Variants in BFSP2 observed in about 807,000 individuals in gnomAD.
The protein encoded by BFSP2 is beaded filament structural protein 2.
BFSP2 carries 38 observed loss-of-function variants against 44.9 expected under a neutral mutation model. The ratio of observed to expected loss-of-function variants is 0.85; its 90% CI spans 0.65 to 1.11. The LOEUF (loss-of-function observed/expected upper bound fraction) is 1.11. Ranked by LOEUF, BFSP2 falls within the 50% of genes least tolerant of loss-of-function variation. The probability of loss-of-function intolerance (pLI) is 0.00; values close to 1 mark genes in which losing one functional copy is unlikely to be tolerated. For missense variants in BFSP2, 525 were observed against 533.0 expected (o/e 0.99, Z 0.15); for synonymous variants, 197 against 209.9 (o/e 0.94, Z 0.53).
At chr3:133,451,077 C>G (rs921706267) in intron 4 of BFSP2, among the ~76,000 whole-genome samples, 1 of 142,600 alleles carries the variant, frequency 7.0e-6, no homozygotes, top group African/African-American at 2.6e-5. Context: ...GGCCACTGCA[C>G]TCCAGCCTGG....
chr3:133,441,097 T>A (rs1314983609), intron 1 of BFSP2, among the ~76,000 whole-genome samples: 1 of 148,190 alleles, frequency 6.7e-6, no homozygotes. Flanking sequence ...TAGAGTGCAA[T>A]GGCGCCATCT....
At chr3:133,412,838 A>C (rs1450918345) in intron 1 of BFSP2, among the ~76,000 whole-genome samples, 19 of 152,230 alleles carry the variant, frequency 1.2e-4, no homozygotes. Context: ...GGGTTCTCTG[A>C]AATTCCAGAC....
intron 1 of BFSP2, among the ~76,000 whole-genome samples, chr3:133,438,072 A>G (rs574893735): frequency 5.3e-5 from 8 of 152,370 alleles, no homozygotes; most frequent in African/African-American, 1.9e-4. Flanking sequence ...TGATACAAGA[A>G]ATAGAGTTCT....
chr3:133,464,898 C>T (rs973759881), intron 4 of BFSP2, among the ~76,000 whole-genome samples: 5 of 152,080 alleles, frequency 3.3e-5, no homozygotes, highest in South Asian at 2.1e-4. Flanking sequence ...TCTCCTTCAG[C>T]GACTCCAAAG....
chr3:133,463,620 C>T (rs2074084173), intron 4 of BFSP2, among the ~76,000 whole-genome samples: 1 of 152,190 alleles, frequency 6.6e-6, no homozygotes, highest in South Asian at 2.1e-4. Context: ...GGTCATATAC[C>T]AGTTTAACTC....
In BFSP2 at chr3:133,475,094, G is replaced by A. The variant is rs2074201953; in HGVS notation, c.*122G>A. ...CTGGATTCCCTGGTTAATTCAGCTT[G>A]AGCTGAAAAGCTTCCTGGAAGTGGA... On this transcript the variant is annotated 3_prime_UTR_variant, in exon 7 of 7. Transcript: ENST00000302334. 6 of 1,392,020 alleles carry A rather than the reference G, an allele frequency of 4.3e-6. No individual in the cohort carries two copies. Among genetic ancestry groups the A allele is most frequent in the Admixed American group, 1.7e-5 (1 of 59,294 alleles). The allele number at this position is 1,392,020 out of a possible 1,614,324, so 86.2% of individuals were successfully genotyped here. A position where few individuals can be genotyped will look rare whatever the true frequency, so the allele number is the denominator to read the frequency against.
chr3:133,437,617 A>G (rs1192227156), intron 1 of BFSP2, among the ~76,000 whole-genome samples: 1 of 149,628 alleles, frequency 6.7e-6, no homozygotes, highest in Non-Finnish European at 1.5e-5. Context: ...GAAAAAAGAA[A>G]GAAGAAAGAG....
chr3:133,425,349 T>G (rs924523689), intron 1 of BFSP2, among the ~76,000 whole-genome samples: 2 of 152,204 alleles, frequency 1.3e-5, no homozygotes, highest in Non-Finnish European at 2.9e-5. Context: ...GGGCACGTGA[T>G]GGATGTCAAC....
chr3:133,439,928 CAGAG>C (rs113298744), intron 1 of BFSP2, among the ~76,000 whole-genome samples: 1 of 150,614 alleles, frequency 6.6e-6, no homozygotes, highest in African/African-American at 2.4e-5. Context: ...CAGAGACAGA[CAGAG>C]AGAGAGAGAG....
intron 1 of BFSP2, among the ~76,000 whole-genome samples, chr3:133,409,611 C>T (rs1391474576): frequency 2.6e-5 from 4 of 152,086 alleles, no homozygotes; most frequent in Non-Finnish European, 5.9e-5. Flanking sequence ...ATATTCAAGA[C>T]GAGTCTGAAA....
At chr3:133,404,392 G>A (rs1486280183) in intron 1 of BFSP2, among the ~76,000 whole-genome samples, 1 of 152,126 alleles carries the variant, frequency 6.6e-6, no homozygotes, top group Non-Finnish European at 1.5e-5. Flanking sequence ...AGCAACTGGA[G>A]GGAGAGGACA....
chr3:133,433,144 C>T (rs2073744510), intron 1 of BFSP2, among the ~76,000 whole-genome samples: 1 of 152,166 alleles, frequency 6.6e-6, no homozygotes, highest in African/African-American at 2.4e-5. Flanking sequence ...ATCTGGCCTC[C>T]CACATTATTC....
At chr3:133,430,096 T>C (rs1385641289) in intron 1 of BFSP2, among the ~76,000 whole-genome samples, 1 of 151,898 alleles carries the variant, frequency 6.6e-6, no homozygotes, top group African/African-American at 2.4e-5. Context: ...CATCCTTTTT[T>C]ATGGCTGCAT....
chr3:133,429,838 T>C (rs1306563244), intron 1 of BFSP2: 43 of 152,050 alleles, frequency 2.8e-4, no homozygotes, highest in Admixed American at 7.2e-4. Context: ...ATGTGCCATG[T>C]TGGTGTGCTG....
At chr3:133,471,346 C>A (rs13069027) in intron 5 of BFSP2, among the ~76,000 whole-genome samples, 51,609 of 152,078 alleles carry the variant, frequency 0.34, 10,010 homozygotes, top group East Asian at 0.59. Flanking sequence ...ATACAAGAAG[C>A]AGGACTCATA....
At chr3:133,425,206 T>C (rs2073632480) in intron 1 of BFSP2, among the ~76,000 whole-genome samples, 2 of 152,194 alleles carry the variant, frequency 1.3e-5, no homozygotes, top group Admixed American at 6.5e-5. Flanking sequence ...GGGCTTACTA[T>C]GCACCAAGCA....
chr3:133,423,768 T>C (rs1458893947), intron 1 of BFSP2, among the ~76,000 whole-genome samples: 1 of 152,090 alleles, frequency 6.6e-6, no homozygotes, highest in Non-Finnish European at 1.5e-5. Flanking sequence ...TGCTGGCTGC[T>C]CTAGGAACTG....
chr3:133,433,315 C>T (rs1267285444), intron 1 of BFSP2, among the ~76,000 whole-genome samples: 2 of 152,206 alleles, frequency 1.3e-5, no homozygotes, highest in Admixed American at 6.5e-5. Context: ...CAAAGGCAGG[C>T]TATGCTATAG....
chr3:133,424,797 C>T (rs756252704), intron 1 of BFSP2, among the ~76,000 whole-genome samples: 5 of 152,078 alleles, frequency 3.3e-5, no homozygotes, highest in Admixed American at 6.6e-5. Flanking sequence ...CACCACTCCC[C>T]GCTAATTTTT....
Sources: gnomAD v4.1 joint callset for allele counts (sites outside exome capture counted in the v4.1 genomes callset) on GRCh38, gnomAD v4.1.1 for gene constraint, MANE v1.5 for transcripts, NCBI Gene and HGNC (gene_info 2026-07-23, HGNC 2026-07-21) for gene names.